DLGAP2: variants seen among roughly 807,000 people sequenced by gnomAD.
DLGAP2 encodes the protein DLG associated protein 2.
In DLGAP2, 26 loss-of-function variants were observed where a neutral mutation model predicts 100.3. That is an observed-to-expected ratio of 0.26 (90% CI 0.19 to 0.36). The LOEUF is 0.36. DLGAP2 is among the 10% of genes least tolerant of loss of function. The pLI, the probability that DLGAP2 is intolerant of heterozygous loss-of-function variation, is 1.00. For synonymous variants in DLGAP2, 886 were observed against 630.1 expected, an observed-to-expected ratio of 1.41 and a Z score of -6.08; for missense variants, 1,858 against 1,453.2, an observed-to-expected ratio of 1.28 and a Z score of -4.53.
chr8:1,246,223 A>C (rs1327091449), intron 2 of DLGAP2, among the ~76,000 whole-genome samples: 2 of 152,224 alleles, frequency 1.3e-5, no homozygotes, highest in Non-Finnish European at 2.9e-5. Context: ...AAAAGTAATA[A>C]ATTAAGGTGA....
At chr8:908,375 T>C (rs1320181816) in intron 2 of DLGAP2, among the ~76,000 whole-genome samples, 2 of 152,216 alleles carry the variant, frequency 1.3e-5, no homozygotes, top group Non-Finnish European at 2.9e-5. Flanking sequence ...AAGGCCTTTC[T>C]TTGTGATCAG....
chr8:1,323,517 G>A (rs1020423464), intron 3 of DLGAP2, among the ~76,000 whole-genome samples: 3 of 152,218 alleles, frequency 2.0e-5, no homozygotes, highest in Non-Finnish European at 4.4e-5. Context: ...TGCAGACGCA[G>A]TACCAGGGCG....
At chr8:931,457 C>A (rs1374826831) in intron 2 of DLGAP2, among the ~76,000 whole-genome samples, 1 of 152,210 alleles carries the variant, frequency 6.6e-6, no homozygotes, top group African/African-American at 2.4e-5. Flanking sequence ...TCTTAAATTC[C>A]CTGGCTACCC....
chr8:1,490,851 A>C (rs985172064), intron 3 of DLGAP2, among the ~76,000 whole-genome samples: 1 of 151,146 alleles, frequency 6.6e-6, no homozygotes, highest in African/African-American at 2.4e-5. Context: ...AGGAAGGGGA[A>C]CATCACACAC....
Position 1,313,530 on chromosome 8 carries a change from AC to A in DLGAP2, c.106+54648del, listed in dbSNP as rs534292553. 6.6e-5 allele frequency among the ~76,000 whole-genome samples: 10 copies of A among 152,144 alleles called. No homozygotes were observed. The South Asian group carries it at 1.2e-3, about 19-fold the overall frequency. On this transcript the variant is annotated intron_variant, in intron 3 of 14. Transcript: ENST00000637795. ...ACCTTTGAAGAAAAATCAAGAATGG[AC>A]AAACAGTAGTGAGGCTGGGTTCCTC...
intron 4 of DLGAP2, among the ~76,000 whole-genome samples, chr8:1,525,191 C>CTTTTTTTT (rs56358216): frequency 1.5e-4 from 16 of 103,634 alleles, no homozygotes; most frequent in African/African-American, 3.4e-4. Context: ...ACTCTGATGT[C>CTTTTTTTT]TTTTTTTTTT....
chr8:1,159,689 C>T (rs1796854078), intron 2 of DLGAP2, among the ~76,000 whole-genome samples: 2 of 152,238 alleles, frequency 1.3e-5, no homozygotes, highest in South Asian at 4.1e-4. Flanking sequence ...TATACATTTT[C>T]ATTCCGCAGA....
intron 2 of DLGAP2, among the ~76,000 whole-genome samples, chr8:942,939 G>A (rs887643519): frequency 6.6e-6 from 1 of 152,242 alleles, no homozygotes; most frequent in Non-Finnish European, 1.5e-5. Flanking sequence ...CTCCAGTGAT[G>A]CGTTGCAAGG....
Position 920,489 on chromosome 8 carries a change from C to G in DLGAP2, c.73+12523C>G, listed in dbSNP as rs551636437. 2.0e-5 allele frequency among the ~76,000 whole-genome samples: 3 copies of G among 152,340 alleles called. No homozygotes were observed. In the East Asian group the frequency reaches 5.8e-4, roughly 29 times the overall value. On this transcript the variant is annotated intron_variant, in intron 2 of 14. Coordinates refer to ENST00000637795, the MANE Select transcript of DLGAP2 (RefSeq NM_001346810.2). Reference sequence around the variant, plus strand: ...AAAAACAATTCAGCAGGCACAGTGGCTGATGCCTGTAATCCCAGCACTTTG... The same window carrying G: ...AAAAACAATTCAGCAGGCACAGTGGGTGATGCCTGTAATCCCAGCACTTTG...
intron 2 of DLGAP2, among the ~76,000 whole-genome samples, chr8:1,151,758 A>G (rs1796701656): frequency 1.3e-5 from 2 of 152,338 alleles, no homozygotes; most frequent in African/African-American, 4.8e-5. Context: ...CCCCAGGATC[A>G]GGCATTTAGG....
chr8:1,683,368 T>C (rs1366129876), intron 12 of DLGAP2, among the ~76,000 whole-genome samples: 1 of 151,394 alleles, frequency 6.6e-6, no homozygotes, highest in East Asian at 1.9e-4. Context: ...TTTGTCTCCT[T>C]CCTCTGGAGG....
At chr8:1,296,547 G>C (rs913146614) in intron 3 of DLGAP2, among the ~76,000 whole-genome samples, 1 of 152,054 alleles carries the variant, frequency 6.6e-6, no homozygotes, top group African/African-American at 2.4e-5. Context: ...CAGAGTGTGC[G>C]TTTTATTAAA....
chr8:1,250,181 C>T (rs1799006557), intron 2 of DLGAP2, among the ~76,000 whole-genome samples: 1 of 150,634 alleles, frequency 6.6e-6, no homozygotes, highest in Non-Finnish European at 1.5e-5. Flanking sequence ...GCCCAGTAGT[C>T]TTTCTTAGGC....
intron 2 of DLGAP2, among the ~76,000 whole-genome samples, chr8:1,176,750 C>T (rs1036904451): frequency 1.3e-5 from 2 of 152,078 alleles, no homozygotes; most frequent in East Asian, 1.9e-4. Context: ...TCTGCTGGTC[C>T]AGAAGAGATG....
At chr8:1,099,168 G>A (rs886814573) in intron 2 of DLGAP2, among the ~76,000 whole-genome samples, 1 of 152,244 alleles carries the variant, frequency 6.6e-6, no homozygotes, top group South Asian at 2.1e-4. Flanking sequence ...AAGTGCCCAC[G>A]TGCCTGGTGG....
intron 2 of DLGAP2, among the ~76,000 whole-genome samples, chr8:1,167,803 A>G (rs1797048621): frequency 6.6e-6 from 1 of 151,882 alleles, no homozygotes; most frequent in African/African-American, 2.4e-5. Flanking sequence ...AGTCAAGTAT[A>G]AAGTACCTGG....
chr8:954,328 A>G (rs769671960), intron 2 of DLGAP2, among the ~76,000 whole-genome samples: 1 of 152,204 alleles, frequency 6.6e-6, no homozygotes, highest in African/African-American at 2.4e-5. Context: ...GAAAATTTGT[A>G]TTACCCTTTG....
At chr8:755,560 C>T (rs1196021836) in intron 1 of DLGAP2, among the ~76,000 whole-genome samples, 3 of 152,154 alleles carry the variant, frequency 2.0e-5, no homozygotes, top group African/African-American at 4.8e-5. Flanking sequence ...GGAAGCCCAG[C>T]GGAGAAGCGG....
At chr8:907,186 G>T (rs1030707965) in intron 1 of DLGAP2, among the ~76,000 whole-genome samples, 2 of 152,162 alleles carry the variant, frequency 1.3e-5, no homozygotes, top group Non-Finnish European at 2.9e-5. Context: ...CTTCATGGAG[G>T]GTTGAGGAAT....
Sources: allele counts gnomAD v4.1 joint callset (sites outside exome capture counted in the v4.1 genomes callset), GRCh38; gene constraint gnomAD v4.1.1; transcripts MANE v1.5; gene names NCBI Gene and HGNC (gene_info 2026-07-23, HGNC 2026-07-21).